Variants in PLEKHA1 observed in about 807,000 individuals in gnomAD.
The protein encoded by PLEKHA1 is pleckstrin homology domain containing A1.
A neutral mutation model predicts 52.0 loss-of-function variants in PLEKHA1; 34 were observed. That is an observed-to-expected ratio of 0.65 (90% confidence interval 0.50 to 0.87). The LOEUF is 0.87. Among genes scored for constraint, PLEKHA1 ranks in the 40% least tolerant of loss-of-function variants. PLEKHA1 has a pLI of 0.00. For missense variants in PLEKHA1, 497 were observed against 504.2 expected, an observed-to-expected ratio of 0.99 and a Z score of 0.14; for synonymous variants, 163 against 170.7, an observed-to-expected ratio of 0.95 and a Z score of 0.35.
intron 1 of PLEKHA1, among the ~76,000 whole-genome samples, chr10:122,376,097 T>A (rs984905056): frequency 5.3e-5 from 8 of 152,222 alleles, no homozygotes; most frequent in Admixed American, 5.2e-4. Flanking sequence ...TACAGCAAAG[T>A]TTGGGTAAGA....
intron 8 of PLEKHA1, chr10:122,420,632 C>T (rs2097247203): frequency 2.0e-5 from 3 of 152,150 alleles, no homozygotes; most frequent in Admixed American, 2.0e-4. Flanking sequence ...AAAATATTTG[C>T]AACATGTATT....
At chr10:122,383,327 T>TC (rs1378651295) in intron 1 of PLEKHA1, among the ~76,000 whole-genome samples, 156 of 96,516 alleles carry the variant, frequency 1.6e-3, no homozygotes, top group African/African-American at 3.7e-3. Context: ...TTTTTTTTTC[T>TC]TTTTTTTTTT....
At chr10:122,388,162 A>G (rs192368838) in intron 1 of PLEKHA1, among the ~76,000 whole-genome samples, 1 of 152,290 alleles carries the variant, frequency 6.6e-6, no homozygotes, top group Non-Finnish European at 1.5e-5. Flanking sequence ...GCTCTTCTGC[A>G]TTTCCCACTC....
chr10:122,417,328 TA>T (rs1397504828), intron 7 of PLEKHA1, among the ~76,000 whole-genome samples: 298 of 141,774 alleles, frequency 2.1e-3, no homozygotes, highest in East Asian at 2.4e-3. Context: ...GAAGTGCTTT[TA>T]AAAAAAAAAA....
intron 7 of PLEKHA1, 122 bp downstream of exon 7, chr10:122,416,124 G>A (rs2097171116): frequency 6.2e-6 from 7 of 1,120,868 alleles, no homozygotes; most frequent in African/African-American, 3.2e-5. Flanking sequence ...CCGGCATGCT[G>A]AGGAGAGTCA....
At chr10:122,441,444 TG>T in the PLEKHA1 span, 1 of 152,574 alleles carries the variant, frequency 6.6e-6, no homozygotes, top group South Asian at 2.1e-4. Flanking sequence ...CACTCCAGCC[TG>T]GGCAACAGAG....
intron 1 of PLEKHA1, among the ~76,000 whole-genome samples, chr10:122,382,107 A>G (rs1437436082): frequency 1.3e-5 from 2 of 152,218 alleles, no homozygotes; most frequent in East Asian, 1.9e-4. Context: ...GACAATTGTA[A>G]TCGTTTCTTT....
chr10:122,379,597 C>A (rs2096586931), intron 1 of PLEKHA1, among the ~76,000 whole-genome samples: 2 of 152,336 alleles, frequency 1.3e-5, no homozygotes, highest in South Asian at 4.1e-4. Flanking sequence ...TGAAGACTTA[C>A]AGTTCTTTCC....
chr10:122,401,484 G>A (rs1203647374), intron 4 of PLEKHA1, among the ~76,000 whole-genome samples: 1 of 144,636 alleles, frequency 6.9e-6, no homozygotes, highest in Non-Finnish European at 1.6e-5. Context: ...GGGCTTGGTG[G>A]ATATGGGGGA....
chr10:122,413,267 C>T (rs1466347893), intron 6 of PLEKHA1, among the ~76,000 whole-genome samples: 7 of 152,064 alleles, frequency 4.6e-5, no homozygotes, highest in Admixed American at 4.6e-4. Context: ...GTACTTTTCA[C>T]CTCAGAAATG....
intron 1 of PLEKHA1, chr10:122,387,073 T>G (rs2096710116): frequency 6.6e-6 from 1 of 152,206 alleles, no homozygotes; most frequent in Non-Finnish European, 1.5e-5. Context: ...TCTCTTTCAC[T>G]TGGTTCACAT....
intron 1 of PLEKHA1, among the ~76,000 whole-genome samples, chr10:122,386,083 A>G (rs914038833): frequency 1.3e-5 from 2 of 152,070 alleles, no homozygotes; most frequent in African/African-American, 4.8e-5. Context: ...TTGCTATGTC[A>G]TTTTGCATTT....
chr10:122,378,216 T>C (rs1368480788), intron 1 of PLEKHA1, among the ~76,000 whole-genome samples: 1 of 152,204 alleles, frequency 6.6e-6, no homozygotes, highest in Non-Finnish European at 1.5e-5. Flanking sequence ...AGAATTTCCA[T>C]GTCAGGTGTT....
chr10:122,431,318 C>G lies in PLEKHA1; in HGVS notation c.*1380C>G, dbSNP rs1443982460. ...GTATTTTAGTAGAGATGGGGTTTCA[C>G]CATGTTGGCCAGGCTCGTCTCGAAC... On this transcript the variant is annotated 3_prime_UTR_variant, in exon 12 of 12. Transcript: ENST00000368990. The G allele has an allele frequency of 6.6e-6, 1 of 152,586 alleles. No individual in the cohort carries two copies. Among genetic ancestry groups the G allele is most frequent in the Non-Finnish European group, 1.5e-5 (1 of 68,072 alleles). 9.5% of individuals were successfully genotyped at this position (152,586 alleles called of 1,614,324 possible). A position where few individuals can be genotyped will look rare whatever the true frequency, so the allele number is the denominator to read the frequency against.
At chr10:122,405,082 G>A (rs558575072) in intron 4 of PLEKHA1, among the ~76,000 whole-genome samples, 1 of 152,118 alleles carries the variant, frequency 6.6e-6, no homozygotes, top group Non-Finnish European at 1.5e-5. Context: ...TAATTCAAGA[G>A]TGGACTATGA....
chr10:122,389,689 C>T (rs1414074433), intron 1 of PLEKHA1, among the ~76,000 whole-genome samples: 1 of 151,980 alleles, frequency 6.6e-6, no homozygotes, highest in Non-Finnish European at 1.5e-5. Flanking sequence ...GCCTGGGTGA[C>T]AGCAAGACTC....
Position 122,409,425 on chromosome 10 carries a change from T to A in PLEKHA1, c.342+2752T>A, listed in dbSNP as rs574578597. Among the ~76,000 whole-genome samples the A allele has an allele frequency of 1.4e-4, 22 of 152,136 alleles. No homozygotes were observed. In the South Asian group the frequency reaches 4.6e-3, roughly 32 times the overall value. On this transcript the variant is annotated intron_variant, in intron 5 of 11. Coordinates refer to ENST00000368990, the MANE Select transcript of PLEKHA1 (RefSeq NM_001001974.4). ...TTTAAAGTATGCTTTCCACTGTTCA[T>A]TTATAGTGGAAATATATATAGTGGA...
intron 1 of PLEKHA1, among the ~76,000 whole-genome samples, chr10:122,380,391 TAATC>T (rs1327808646): frequency 6.6e-6 from 1 of 152,164 alleles, no homozygotes; most frequent in Non-Finnish European, 1.5e-5. Context: ...ATTCATTAGA[TAATC>T]AATAAATGCT....
chr10:122,427,393 T>C (rs1485792981), intron 11 of PLEKHA1, among the ~76,000 whole-genome samples: 3 of 152,226 alleles, frequency 2.0e-5, no homozygotes, highest in Non-Finnish European at 4.4e-5. Context: ...AGTTGTAGCG[T>C]TACACAGTTT....
Sources: allele counts gnomAD v4.1 joint callset (sites outside exome capture counted in the v4.1 genomes callset), GRCh38; gene constraint gnomAD v4.1.1; transcripts MANE v1.5; gene names NCBI Gene and HGNC (gene_info 2026-07-23, HGNC 2026-07-21).